The following BMPR1A variants were observed in gnomAD, a reference collection of about 807,000 sequenced individuals.
The protein encoded by BMPR1A is bone morphogenetic protein receptor type 1A.
BMPR1A carries 7 observed loss-of-function variants against 66.0 expected under a neutral mutation model. That is an observed-to-expected ratio of 0.11 (90% CI 0.06 to 0.20). BMPR1A has a LOEUF of 0.20. Ranked by LOEUF, BMPR1A falls within the 10% of genes least tolerant of loss-of-function variation. BMPR1A has a pLI of 1.00. For missense variants in BMPR1A, 408 were observed against 669.1 expected (o/e 0.61, Z 4.31); for synonymous variants, 200 against 229.7 (o/e 0.87, Z 1.17).
intron 1 of BMPR1A, among the ~76,000 whole-genome samples, chr10:86,790,187 AAATATATATATATAT>A (rs1841588755): frequency 1.1e-4 from 3 of 28,460 alleles, no homozygotes; most frequent in South Asian, 1.3e-3. Flanking sequence ...AAAAAAAAAA[AAATATATATATATAT>A]ATATATATAT....
chr10:86,793,620 G>A (rs191291678), intron 1 of BMPR1A, among the ~76,000 whole-genome samples: 1 of 152,092 alleles, frequency 6.6e-6, no homozygotes, highest in Non-Finnish European at 1.5e-5. Context: ...AAAGTGCTGG[G>A]ATTACAGGTG....
chr10:86,806,462 C>G (rs533167703), intron 1 of BMPR1A, among the ~76,000 whole-genome samples: 1 of 152,226 alleles, frequency 6.6e-6, no homozygotes, highest in South Asian at 2.1e-4. Flanking sequence ...CTGTAAGAAC[C>G]CTTCTTACTC....
chr10:86,813,451 C>G (rs565953261), intron 1 of BMPR1A, among the ~76,000 whole-genome samples: 1 of 152,322 alleles, frequency 6.6e-6, no homozygotes, highest in African/African-American at 2.4e-5. Context: ...GTCTTCGTTT[C>G]TAATTCTAAG....
At chr10:86,872,849 G>A (rs1374402458) in intron 2 of BMPR1A, among the ~76,000 whole-genome samples, 1 of 152,030 alleles carries the variant, frequency 6.6e-6, no homozygotes, top group Non-Finnish European at 1.5e-5. Flanking sequence ...GGAATTTCTG[G>A]GCTCAAGTGA....
intron 5 of BMPR1A, among the ~76,000 whole-genome samples, chr10:86,898,739 G>A (rs866309204): frequency 1.4e-4 from 22 of 152,050 alleles, no homozygotes; most frequent in African/African-American, 4.3e-4. Context: ...TCCTGGAACC[G>A]TTTTTGGATG....
intron 2 of BMPR1A, among the ~76,000 whole-genome samples, chr10:86,864,015 C>T (rs893493105): frequency 6.6e-6 from 1 of 152,260 alleles, no homozygotes; most frequent in African/African-American, 2.4e-5. Context: ...AATTTTTCTT[C>T]TTAGAGATTT....
chr10:86,870,778 T>G (rs545589383), intron 2 of BMPR1A, among the ~76,000 whole-genome samples: 1 of 152,118 alleles, frequency 6.6e-6, no homozygotes, highest in South Asian at 2.1e-4. Flanking sequence ...TGCCACCCTA[T>G]TCTTTTTTTT....
At chr10:86,892,485 C>G (rs967345813) in intron 5 of BMPR1A, among the ~76,000 whole-genome samples, 6 of 152,198 alleles carry the variant, frequency 3.9e-5, no homozygotes, top group Non-Finnish European at 7.3e-5. Flanking sequence ...CTCTGTTGCC[C>G]AGGCTGGAGT....
chr10:86,759,837 A>G (rs892617052), intron 1 of BMPR1A, among the ~76,000 whole-genome samples: 2 of 152,080 alleles, frequency 1.3e-5, no homozygotes, highest in Admixed American at 1.3e-4. Context: ...TAACACTTCA[A>G]TTTCTTTAAT....
intron 5 of BMPR1A, among the ~76,000 whole-genome samples, chr10:86,895,750 A>G (rs920857598): frequency 1.3e-5 from 2 of 151,294 alleles, no homozygotes; most frequent in African/African-American, 2.4e-5. Flanking sequence ...ATGCCTGGCC[A>G]GGTGCAGTGG....
chr10:86,932,776 CAT>C (rs1378591417), downstream of BMPR1A: 1 of 152,234 alleles, frequency 6.6e-6, no homozygotes, highest in Non-Finnish European at 1.5e-5. Flanking sequence ...TTCTAAGCAA[CAT>C]GTCACGAGCT....
intron 1 of BMPR1A, among the ~76,000 whole-genome samples, chr10:86,826,435 C>CAT (rs910011313): frequency 6.6e-6 from 1 of 151,828 alleles, no homozygotes; most frequent in African/African-American, 2.4e-5. Context: ...CACACACACA[C>CAT]ACACACCCGC....
intron 1 of BMPR1A, among the ~76,000 whole-genome samples, chr10:86,827,490 G>A (rs1360018379): frequency 6.6e-6 from 1 of 152,098 alleles, no homozygotes; most frequent in African/African-American, 2.4e-5. Context: ...AAAAAATACT[G>A]CTTTAAATAT....
chr10:86,818,821 A>C (rs1239307197), intron 1 of BMPR1A, among the ~76,000 whole-genome samples: 1 of 152,184 alleles, frequency 6.6e-6, no homozygotes, highest in Non-Finnish European at 1.5e-5. Flanking sequence ...GACTCCATAG[A>C]GAAATTACTC....
chr10:86,892,088 A>T (rs746810642), intron 4 of BMPR1A, 39 bp from the exon 5 acceptor site: 1 of 1,531,674 alleles, frequency 6.5e-7, no homozygotes, highest in Non-Finnish European at 9.0e-7. Flanking sequence ...TTTCTATGTG[A>T]ATTTATGTTT....
At chr10:86,794,444 G>A (rs1054118487) in intron 1 of BMPR1A, among the ~76,000 whole-genome samples, 1 of 152,152 alleles carries the variant, frequency 6.6e-6, no homozygotes, top group Non-Finnish European at 1.5e-5. Context: ...TGGGAGGCAA[G>A]AGATTTCTAC....
chr10:86,818,392 T>C (rs1279226485), intron 1 of BMPR1A, among the ~76,000 whole-genome samples: 1 of 152,162 alleles, frequency 6.6e-6, no homozygotes, highest in Non-Finnish European at 1.5e-5. Flanking sequence ...TTAAAATTTA[T>C]TAAGTGGAAA....
intron 1 of BMPR1A, among the ~76,000 whole-genome samples, chr10:86,808,255 G>C (rs4933412): frequency 0.076 from 11,466 of 151,856 alleles, 526 homozygotes; most frequent in Non-Finnish European, 0.081. Flanking sequence ...GATCTGTAGT[G>C]ATCTTTTTTT....
intron 3 of BMPR1A, among the ~76,000 whole-genome samples, chr10:86,885,599 C>T (rs938757871): frequency 1.3e-5 from 2 of 152,184 alleles, no homozygotes; most frequent in Admixed American, 6.5e-5. Flanking sequence ...TGTAGACATG[C>T]CACCTTTTCC....
Sources: allele counts gnomAD v4.1 joint callset (sites outside exome capture counted in the v4.1 genomes callset), GRCh38; gene constraint gnomAD v4.1.1; transcripts MANE v1.5; gene names NCBI Gene and HGNC (gene_info 2026-07-23, HGNC 2026-07-21).